DCX: variants seen among roughly 807,000 people sequenced by gnomAD.
DCX encodes neuronal migration protein doublecortin.
DCX carries 4 observed loss-of-function variants against 20.9 expected under a neutral mutation model. The ratio of observed to expected loss-of-function variants is 0.19; its 90% confidence interval spans 0.09 to 0.44. DCX has a LOEUF of 0.44. DCX is among the 20% of genes least tolerant of loss of function. The probability of loss-of-function intolerance (pLI) is 0.99; values close to 1 mark genes in which losing one functional copy is unlikely to be tolerated. For missense variants in DCX, 133 were observed against 296.9 expected, an observed-to-expected ratio of 0.45 and a Z score of 4.06; for synonymous variants, 103 against 111.4, an observed-to-expected ratio of 0.92 and a Z score of 0.47.
chrX:111,394,449 A>G (rs916791446), intron 3 of DCX, among the ~76,000 whole-genome samples: 1 of 112,142 alleles, frequency 8.9e-6, no homozygotes, highest in Non-Finnish European at 1.9e-5. Flanking sequence ...ATATACTAAA[A>G]GCTGTTGAAT....
At chrX:111,388,690 G>A (rs182714051) in intron 3 of DCX, among the ~76,000 whole-genome samples, 19 of 112,074 alleles carry the variant, frequency 1.7e-4, no homozygotes, top group East Asian at 1.1e-3. Context: ...TACATATAGC[G>A]TAATTTGAGA....
chrX:111,408,335 G>C (rs1312049254), intron 2 of DCX, among the ~76,000 whole-genome samples: 2 of 111,213 alleles, frequency 1.8e-5, no homozygotes, highest in Non-Finnish European at 3.8e-5. Context: ...TATGTAGAAA[G>C]ATCTCGGCCA....
chrX:111,310,319 C>T (rs984831323), intron 6 of DCX, among the ~76,000 whole-genome samples: 14 of 108,924 alleles, frequency 1.3e-4, no homozygotes, highest in East Asian at 2.9e-4. Context: ...GGAGACAGAG[C>T]GAGACTCCAT....
chrX:111,388,019 G>T (rs1375423878), intron 3 of DCX, among the ~76,000 whole-genome samples: 1 of 111,796 alleles, frequency 8.9e-6, no homozygotes, highest in African/African-American at 3.2e-5. Flanking sequence ...AGCATGGTGT[G>T]GTGAGTGGAA....
At chrX:111,318,163 T>A (rs2095077717) in intron 5 of DCX, among the ~76,000 whole-genome samples, 1 of 91,088 alleles carries the variant, frequency 1.1e-5, no homozygotes, top group African/African-American at 4.3e-5. Flanking sequence ...CCAGCCTGGG[T>A]GTCAGAGTGA....
At chrX:111,399,182 C>T (rs937424282) in intron 3 of DCX, among the ~76,000 whole-genome samples, 3 of 110,238 alleles carry the variant, frequency 2.7e-5, no homozygotes, top group Admixed American at 9.7e-5. Context: ...ATGAAAATTG[C>T]CATAAATCTC....
intron 2 of DCX, among the ~76,000 whole-genome samples, chrX:111,405,498 T>C (rs903297240): frequency 7.2e-5 from 8 of 111,009 alleles, no homozygotes; most frequent in Non-Finnish European, 9.4e-5. Flanking sequence ...TCGGATTTTC[T>C]AAGACTGTTC....
At chrX:111,350,908 G>C (rs1391438379) in intron 3 of DCX, among the ~76,000 whole-genome samples, 1 of 112,018 alleles carries the variant, frequency 8.9e-6, no homozygotes, top group Non-Finnish European at 1.9e-5. Context: ...TTACTTACAT[G>C]GTGGCAGAGA....
At chrX:111,340,400 G>A (rs1922117125) in intron 3 of DCX, among the ~76,000 whole-genome samples, 1 of 112,310 alleles carries the variant, frequency 8.9e-6, no homozygotes, top group African/African-American at 3.2e-5. Flanking sequence ...GTAGGAGTAA[G>A]GGGGTCTGCA....
At chrX:111,362,676 A>G (rs1056825583) in intron 3 of DCX, among the ~76,000 whole-genome samples, 4 of 111,542 alleles carry the variant, frequency 3.6e-5, no homozygotes, top group Non-Finnish European at 7.5e-5. Flanking sequence ...GGGGCTAGAG[A>G]CAGCCTTATG....
chrX:111,330,419 A>G (rs996443960), intron 5 of DCX, among the ~76,000 whole-genome samples: 1 of 111,947 alleles, frequency 8.9e-6, no homozygotes, highest in Non-Finnish European at 1.9e-5. Context: ...TTGTCCCCCT[A>G]TTTATATGGC....
chrX:111,336,202 T>C (rs1921715844), intron 3 of DCX, among the ~76,000 whole-genome samples: 1 of 111,811 alleles, frequency 8.9e-6, no homozygotes, highest in South Asian at 3.8e-4. Context: ...GACAATAATG[T>C]CTTACATATT....
intron 4 of DCX, among the ~76,000 whole-genome samples, chrX:111,331,466 G>C (rs1921237693): frequency 8.9e-6 from 1 of 112,147 alleles, no homozygotes; most frequent in South Asian, 3.8e-4. Flanking sequence ...AGGAGAGGTA[G>C]AGAGCTACCA....
intron 2 of DCX, 79 bp from the exon 3 acceptor site, chrX:111,401,409 G>A (rs1927783253): frequency 1.2e-5 from 11 of 882,984 alleles, no homozygotes; most frequent in Non-Finnish European, 1.8e-5. Context: ...AATACACACT[G>A]ACACTGGAGT....
chrX:111,356,521 ATCTATTTTGT>A (rs1923746492), intron 3 of DCX, among the ~76,000 whole-genome samples: 2 of 112,541 alleles, frequency 1.8e-5, no homozygotes, highest in Admixed American at 1.9e-4. Flanking sequence ...AATGGGACCT[ATCTATTTTGT>A]TCTAAGGACG....
intron 3 of DCX, among the ~76,000 whole-genome samples, chrX:111,385,771 AGGAG>A (rs1238643653): frequency 3.9e-5 from 3 of 77,753 alleles, no homozygotes; most frequent in African/African-American, 9.7e-5. Flanking sequence ...GAGGGAGGGA[AGGAG>A]GGAGGGAGGG....
chrX:111,348,317 G>T (rs778556830), intron 3 of DCX, among the ~76,000 whole-genome samples: 19 of 112,293 alleles, frequency 1.7e-4, no homozygotes, highest in African/African-American at 5.5e-4. Context: ...GAGATGTGAA[G>T]GAATAAGACT....
chrX:111,385,653 C>CA (rs1491174644), intron 3 of DCX, among the ~76,000 whole-genome samples: 7 of 100,875 alleles, frequency 6.9e-5, no homozygotes, highest in African/African-American at 2.6e-4. Flanking sequence ...GAGAATCTGT[C>CA]AAAAAAGAAA....
At chrX:111,369,071 T>G (rs1003424546) in intron 3 of DCX, among the ~76,000 whole-genome samples, 5 of 110,784 alleles carry the variant, frequency 4.5e-5, no homozygotes, top group Non-Finnish European at 9.4e-5. Context: ...GCAGGAAGCA[T>G]CCAGCATGGG....
Sources: allele counts gnomAD v4.1 joint callset (sites outside exome capture counted in the v4.1 genomes callset), GRCh38; gene constraint gnomAD v4.1.1; transcripts MANE v1.5; gene names NCBI Gene and HGNC (gene_info 2026-07-23, HGNC 2026-07-21).